Variants in PAPPA observed in about 807,000 individuals in gnomAD.
PAPPA encodes pappalysin-1.
A neutral mutation model predicts 164.0 loss-of-function variants in PAPPA; 60 were observed. The observed-to-expected ratio is 0.37, with a 90% CI of 0.30 to 0.45. The LOEUF is 0.45. Ranked by LOEUF, PAPPA falls within the 20% of genes least tolerant of loss-of-function variation. The probability of loss-of-function intolerance (pLI) is 1.00; values close to 1 mark genes in which losing one functional copy is unlikely to be tolerated. For synonymous variants in PAPPA, 875 were observed against 814.1 expected, an observed-to-expected ratio of 1.07 and a Z score of -1.27; for missense variants, 1,782 against 2,087.3, an observed-to-expected ratio of 0.85 and a Z score of 2.85.
intron 4 of PAPPA, among the ~76,000 whole-genome samples, chr9:116,214,886 A>G (rs559066745): frequency 6.6e-6 from 1 of 152,344 alleles, no homozygotes; most frequent in South Asian, 2.1e-4. Context: ...TCTAAGGAAT[A>G]TATCCAAAGC....
At chr9:116,382,760 G>A (rs888114430) in intron 21 of PAPPA, among the ~76,000 whole-genome samples, 5 of 152,062 alleles carry the variant, frequency 3.3e-5, no homozygotes, top group Non-Finnish European at 5.9e-5. Context: ...AAGTACTTTC[G>A]GAAAGGAAGG....
At chr9:116,373,971 T>C (rs1188092140) in intron 19 of PAPPA, among the ~76,000 whole-genome samples, 1 of 152,096 alleles carries the variant, frequency 6.6e-6, no homozygotes, top group Non-Finnish European at 1.5e-5. Context: ...GCTTAGAGCA[T>C]AATATTTATT....
intron 2 of PAPPA, among the ~76,000 whole-genome samples, chr9:116,189,375 C>T (rs529312563): frequency 6.6e-6 from 1 of 152,260 alleles, no homozygotes; most frequent in East Asian, 1.9e-4. Flanking sequence ...TTTCCCATAA[C>T]ATCATGTCTA....
intron 21 of PAPPA, among the ~76,000 whole-genome samples, chr9:116,394,814 A>C (rs1346626694): frequency 1.3e-5 from 2 of 152,200 alleles, no homozygotes; most frequent in South Asian, 2.1e-4. Flanking sequence ...ATTTAAATTG[A>C]AAAGAGAAAC....
At chr9:116,220,175 CAAG>C (rs1844426851) in intron 5 of PAPPA, 46 bp downstream of exon 5, 5 of 1,432,560 alleles carry the variant, frequency 3.5e-6, no homozygotes, top group Non-Finnish European at 2.9e-6. Flanking sequence ...TCTCTCCTGC[CAAG>C]AAGAAGGAAA....
At chr9:116,362,212 C>G (rs1439721252) in intron 17 of PAPPA, among the ~76,000 whole-genome samples, 1 of 152,078 alleles carries the variant, frequency 6.6e-6, no homozygotes, top group Non-Finnish European at 1.5e-5. Flanking sequence ...TGCTGCTACT[C>G]TCTGTGTCAT....
rs752743042 is a variant in PAPPA at position 116,235,430 on chromosome 9, G to A, written c.2525G>A (p.Arg842Lys). Residue 842 changes from arginine to lysine, a missense_variant, in exon 7 of 22, where the codon AGA becomes AAA. Transcript: ENST00000328252. Reference protein sequence around the residue: ...NVFCDVPLTIRLWDVGEEVYG... With the variant: ...NVFCDVPLTIKLWDVGEEVYG... ...TTCTGTGATGTCCCACTGACCATCA[G>A]ACTCTGGGACGTGGGCGAGGAGGTG... The A allele has an allele frequency of 1.2e-6, 2 of 1,613,816 alleles. No individual in the cohort carries two copies. Among genetic ancestry groups the A allele is most frequent in the Admixed American group, 3.3e-5 (2 of 59,984 alleles).
intron 7 of PAPPA, among the ~76,000 whole-genome samples, chr9:116,248,362 AC>A (rs1844821310): frequency 6.6e-6 from 1 of 152,130 alleles, no homozygotes. Flanking sequence ...TGGGCCCAAG[AC>A]CCCTGTCTAT....
intron 17 of PAPPA, among the ~76,000 whole-genome samples, chr9:116,359,154 A>G (rs1001871653): frequency 6.6e-6 from 1 of 152,222 alleles, no homozygotes; most frequent in African/African-American, 2.4e-5. Flanking sequence ...CTTAACCATG[A>G]CACTAGCATC....
At chr9:116,336,876 G>T (rs1463927703) in intron 13 of PAPPA, among the ~76,000 whole-genome samples, 1 of 152,206 alleles carries the variant, frequency 6.6e-6, no homozygotes, top group Admixed American at 6.5e-5. Context: ...TTTCTCAACA[G>T]TTAGGAAACA....
intron 4 of PAPPA, among the ~76,000 whole-genome samples, chr9:116,213,540 T>A (rs375042735): frequency 6.6e-6 from 1 of 152,122 alleles, no homozygotes; most frequent in African/African-American, 2.4e-5. Context: ...TAAAGTTCCA[T>A]TTCTATAGCA....
Position 116,389,286 on chromosome 9 carries a change from C to T in PAPPA, c.4776+6793C>T, listed in dbSNP as rs574340947. Among the ~76,000 whole-genome samples the T allele has an allele frequency of 3.9e-5, 6 of 152,174 alleles. 1 individual carries two copies. The South Asian group carries it at 1.2e-3, about 32-fold the overall frequency. ...TAGCTGGGATTACAGGCACACACCA[C>T]CACACCTGGCTAATTTTTGTATTTT... On this transcript the variant is annotated intron_variant, in intron 21 of 21. Transcript: ENST00000328252.
At chr9:116,279,496 G>T (rs947633111) in intron 9 of PAPPA, among the ~76,000 whole-genome samples, 1 of 151,972 alleles carries the variant, frequency 6.6e-6, no homozygotes, top group Non-Finnish European at 1.5e-5. Context: ...GAAACAGAAC[G>T]GCCTCTGACG....
chr9:116,388,002 C>T lies in PAPPA; in HGVS notation c.4776+5509C>T, dbSNP rs537211063. On this transcript the variant is annotated intron_variant, in intron 21 of 21. Coordinates refer to ENST00000328252, the MANE Select transcript of PAPPA (RefSeq NM_002581.5). ...CCAGTTTTCCACCTAAACTTCTTCC[C>T]GGTTCCCAGGGCTAGGGCCTCCGTG... Among the ~76,000 whole-genome samples, 16 of 152,326 alleles carry T rather than the reference C, an allele frequency of 1.1e-4. No individual in the cohort carries two copies. The South Asian group carries it at 1.5e-3, about 14-fold the overall frequency.
intron 2 of PAPPA, among the ~76,000 whole-genome samples, chr9:116,194,389 A>G (rs436582): frequency 0.039 from 5,895 of 152,314 alleles, 190 homozygotes; most frequent in South Asian, 0.15. Context: ...GTTATTTTTC[A>G]GTCACTTTGT....
intron 7 of PAPPA, 74 bp downstream of exon 7, chr9:116,235,711 C>G (rs1204376805): frequency 2.1e-6 from 3 of 1,431,314 alleles, no homozygotes; most frequent in Non-Finnish European, 2.9e-6. Flanking sequence ...GTCAGAGAGG[C>G]CTGGACAGGG....
intron 7 of PAPPA, among the ~76,000 whole-genome samples, chr9:116,259,206 A>T (rs1844972234): frequency 6.6e-6 from 1 of 151,750 alleles, no homozygotes; most frequent in Admixed American, 6.6e-5. Flanking sequence ...CATATAGGTA[A>T]CAAACAAAAC....
Position 116,227,435 on chromosome 9 carries a change from T to C in PAPPA, c.2116T>C (p.Leu706=). The change falls in exon 6 of 22, where the codon TTG becomes CTG. Residue 706 remains leucine, a synonymous_variant. Transcript: ENST00000328252. ...CCTCTTTCCTTGGCCTCCTAGAGAA[T>C]TGGGATCAGCATGTCATCTTTGCCT... ...PIDGHFFERE[L]GSACHLCLEG... 1.2e-6 allele frequency: 2 copies of C among 1,613,960 alleles called. No individual in the cohort carries two copies. The highest frequency in any genetic ancestry group is 1.1e-5 in the South Asian group (1 of 91,068).
chr9:116,394,006 G>C (rs1236465538), intron 21 of PAPPA, among the ~76,000 whole-genome samples: 1 of 152,166 alleles, frequency 6.6e-6, no homozygotes, highest in Non-Finnish European at 1.5e-5. Flanking sequence ...AGATAAAGCA[G>C]ACAGACATGA....
Sources: allele counts gnomAD v4.1 joint callset (sites outside exome capture counted in the v4.1 genomes callset), GRCh38; gene constraint gnomAD v4.1.1; transcripts MANE v1.5; gene names NCBI Gene and HGNC (gene_info 2026-07-23, HGNC 2026-07-21).